HS2ST1: variants seen among roughly 807,000 people sequenced by gnomAD.
HS2ST1 encodes the protein 2-O-sulfotransferase.
HS2ST1 carries 18 observed loss-of-function variants against 42.9 expected under a neutral mutation model. That is an observed-to-expected ratio of 0.42 (90% CI 0.29 to 0.62). The LOEUF is 0.62. Ranked by LOEUF, HS2ST1 falls within the 20% of genes least tolerant of loss-of-function variation. HS2ST1 has a pLI of 0.21. For synonymous variants in HS2ST1, 146 were observed against 152.9 expected, an observed-to-expected ratio of 0.95 and a Z score of 0.33; for missense variants, 334 against 433.8, an observed-to-expected ratio of 0.77 and a Z score of 2.04.
chr1:87,045,494 C>T (rs4656138), intron 1 of HS2ST1: 709,852 of 932,978 alleles, frequency 0.76, 274,752 homozygotes, highest in East Asian at 0.96. Context: ...GACATTCAGC[C>T]GTACAGTCAC....
At chr1:87,073,278 A>C in intron 2 of HS2ST1, 106 bp downstream of exon 2, 2 of 817,888 alleles carry the variant, frequency 2.4e-6, no homozygotes, top group Non-Finnish European at 4.1e-6. Flanking sequence ...TGCTGATCTC[A>C]GTGGATCATA....
At chr1:86,970,647 G>A (rs1204466040) in intron 1 of HS2ST1, among the ~76,000 whole-genome samples, 1 of 152,122 alleles carries the variant, frequency 6.6e-6, no homozygotes, top group Non-Finnish European at 1.5e-5. Flanking sequence ...ACCCTCCTTG[G>A]CCTCCCAAAG....
intron 1 of HS2ST1, among the ~76,000 whole-genome samples, chr1:87,048,992 AT>A (rs1378834082): frequency 6.6e-6 from 1 of 152,004 alleles, no homozygotes; most frequent in Non-Finnish European, 1.5e-5. Flanking sequence ...TATTTTTGGT[AT>A]TGGTATTTTT....
chr1:87,069,155 A>AG lies in HS2ST1; in HGVS notation c.125-3777dup, dbSNP rs562157112. On this transcript the variant is annotated intron_variant, in intron 1 of 6. Coordinates refer to ENST00000370550, the MANE Select transcript of HS2ST1 (RefSeq NM_012262.4). ...CAGAGGCAGAAGAGATAAAGGAGGT[A>AG]GGAGGCAGGAGAAGCAGGCACACTC... Among the ~76,000 whole-genome samples the AG allele has an allele frequency of 2.7e-4, 41 of 152,338 alleles. 1 individual carries two copies. In the South Asian group the frequency reaches 7.7e-3, roughly 28 times the overall value.
At chr1:87,006,006 G>A (rs999317938) in intron 1 of HS2ST1, among the ~76,000 whole-genome samples, 1 of 151,778 alleles carries the variant, frequency 6.6e-6, no homozygotes, top group African/African-American at 2.4e-5. Flanking sequence ...ATAAAATTAG[G>A]GTTTTCATAA....
chr1:86,994,114 G>T (rs947752619), intron 1 of HS2ST1, among the ~76,000 whole-genome samples: 1 of 151,940 alleles, frequency 6.6e-6, no homozygotes, highest in African/African-American at 2.4e-5. Flanking sequence ...CCTTATTCCT[G>T]CTTCCATGTG....
intron 1 of HS2ST1, among the ~76,000 whole-genome samples, chr1:87,016,938 C>A (rs556296021): frequency 6.6e-6 from 1 of 151,772 alleles, no homozygotes; most frequent in Admixed American, 6.6e-5. Context: ...TTGGTTGTTA[C>A]ATATGATATG....
At chr1:87,057,724 G>T (rs925384557) in intron 1 of HS2ST1, among the ~76,000 whole-genome samples, 1 of 151,920 alleles carries the variant, frequency 6.6e-6, no homozygotes, top group Non-Finnish European at 1.5e-5. Flanking sequence ...GGTGGCAGGT[G>T]CCTGTAGTCC....
chr1:87,104,804 G>A lies in HS2ST1; in HGVS notation c.*108G>A. On this transcript the variant is annotated 3_prime_UTR_variant, in exon 7 of 7. Transcript: ENST00000370550. ...TGACAGTAGGTGTATATGACAATTT[G>A]TATTGAGCCAAATTAGGAAACAGAC... 1 of 646,490 alleles carries A rather than the reference G, an allele frequency of 1.5e-6. No homozygotes were observed. The highest frequency in any genetic ancestry group is 2.7e-6 in the Non-Finnish European group (1 of 370,820). The allele number at this position is 646,490 out of a possible 1,614,324, so 40.0% of individuals were successfully genotyped here.
chr1:87,106,557 T>C lies in HS2ST1; in HGVS notation c.*1861T>C, dbSNP rs1214998702. On this transcript the variant is annotated 3_prime_UTR_variant, in exon 7 of 7. Coordinates refer to ENST00000370550, the MANE Select transcript of HS2ST1 (RefSeq NM_012262.4). ...AGGGAACACTTCTTATGAGAAAACA[T>C]TTATAAACAAAAGAAACATTTATAA... The C allele has an allele frequency of 6.6e-6, 1 of 151,946 alleles. No individual in the cohort carries two copies. Among genetic ancestry groups the C allele is most frequent in the Non-Finnish European group, 1.5e-5 (1 of 67,884 alleles). 9.4% of individuals were successfully genotyped at this position (151,946 alleles called of 1,614,324 possible). A position where few individuals can be genotyped will look rare whatever the true frequency, so the allele number is the denominator to read the frequency against.
At chr1:87,055,446 C>A (rs1056601031) in intron 1 of HS2ST1, among the ~76,000 whole-genome samples, 1 of 152,154 alleles carries the variant, frequency 6.6e-6, no homozygotes, top group Non-Finnish European at 1.5e-5. Context: ...CCCCATGCTT[C>A]TTCCTTACTG....
chr1:87,101,156 GTTTT>G (rs1162453464), intron 5 of HS2ST1, among the ~76,000 whole-genome samples: 3 of 91,102 alleles, frequency 3.3e-5, no homozygotes, highest in African/African-American at 1.3e-4. Flanking sequence ...TGTGTTTTTT[GTTTT>G]TTTTTTTTTT....
chr1:86,939,151 TTCA>T (rs1436720196), intron 1 of HS2ST1, among the ~76,000 whole-genome samples: 1 of 152,208 alleles, frequency 6.6e-6, no homozygotes, highest in Non-Finnish European at 1.5e-5. Flanking sequence ...ATGAACCATT[TTCA>T]TCATTATTGT....
At position 87,004,979 on chromosome 1, in the gene HS2ST1, G is replaced by T. The variant is rs1649393359; in HGVS notation, c.125-67955G>T. Among the ~76,000 whole-genome samples, 3 of 152,316 alleles carry T rather than the reference G, an allele frequency of 2.0e-5. No individual in the cohort carries two copies. The South Asian group carries it at 6.2e-4, about 32-fold the overall frequency. ...TTGAATAATTAATTGAACAAAAAGT[G>T]CCTGTTATTTTCCATTCCATGGTCC... On this transcript the variant is annotated intron_variant, in intron 1 of 6. Transcript: ENST00000370550.
At chr1:87,053,738 TG>T (rs1233575246) in intron 1 of HS2ST1, among the ~76,000 whole-genome samples, 18 of 152,234 alleles carry the variant, frequency 1.2e-4, no homozygotes, top group Admixed American at 7.2e-4. Context: ...GTGGACAACA[TG>T]GTCAAAAGCA....
intron 1 of HS2ST1, among the ~76,000 whole-genome samples, chr1:87,013,032 T>C (rs1169996576): frequency 6.6e-6 from 1 of 152,246 alleles, no homozygotes; most frequent in Non-Finnish European, 1.5e-5. Context: ...ACTGTGTTCA[T>C]GGGCTAGCTT....
chr1:86,933,991 G>GGT lies in HS2ST1; in HGVS notation c.124+18844_124+18845dup, dbSNP rs1038820848. Among the ~76,000 whole-genome samples, 51 of 151,850 alleles carry GGT rather than the reference G, an allele frequency of 3.4e-4. No individual in the cohort carries two copies. The East Asian group carries it at 3.7e-3, about 11-fold the overall frequency. ...TATTACACAGGAGCCCTATTGATGT[G>GGT]GTGTGTGTGTGTGTAAAAGTGTTCT... On this transcript the variant is annotated intron_variant, in intron 1 of 6. Coordinates refer to ENST00000370550, the MANE Select transcript of HS2ST1 (RefSeq NM_012262.4).
At chr1:86,972,970 T>G (rs917105608) in intron 1 of HS2ST1, among the ~76,000 whole-genome samples, 3 of 152,240 alleles carry the variant, frequency 2.0e-5, no homozygotes, top group African/African-American at 7.2e-5. Context: ...GCCAGAGTTA[T>G]GCATATTTGA....
chr1:86,955,053 G>A (rs772743716), intron 1 of HS2ST1, among the ~76,000 whole-genome samples: 15 of 152,132 alleles, frequency 9.9e-5, no homozygotes, highest in Non-Finnish European at 1.5e-4. Flanking sequence ...AGCCGTGATC[G>A]TGAGGTGAAA....
Sources: gnomAD v4.1 joint callset for allele counts (sites outside exome capture counted in the v4.1 genomes callset) on GRCh38, gnomAD v4.1.1 for gene constraint, MANE v1.5 for transcripts, NCBI Gene and HGNC (gene_info 2026-07-23, HGNC 2026-07-21) for gene names.